The following UPF2 variants were observed in gnomAD, a reference collection of about 807,000 sequenced individuals.
UPF2 encodes UPF2 regulator of nonsense mediated mRNA decay.
Under a neutral mutation model 141.4 loss-of-function variants are expected in UPF2, and 17 were observed. That is an observed-to-expected ratio of 0.12 (90% CI 0.08 to 0.18). The LOEUF (loss-of-function observed/expected upper bound fraction) is 0.18, where lower values mean the gene tolerates loss of function less well. Among genes scored for constraint, UPF2 ranks in the 10% least tolerant of loss-of-function variants. The probability of loss-of-function intolerance (pLI) is 1.00; values close to 1 mark genes in which losing one functional copy is unlikely to be tolerated. For synonymous variants in UPF2, 540 were observed against 498.0 expected (o/e 1.08, Z -1.12); for missense variants, 1,152 against 1,515.9 (o/e 0.76, Z 3.99).
intron 9 of UPF2, among the ~76,000 whole-genome samples, chr10:11,971,291 G>C (rs1235901129): frequency 7.9e-6 from 1 of 126,050 alleles, no homozygotes; most frequent in Non-Finnish European, 1.7e-5. Flanking sequence ...TTTTGCTCTT[G>C]TTGCCCAGGC....
Position 12,001,865 on chromosome 10 carries a change from T to C in UPF2, c.1505-40A>G, listed in dbSNP as rs541841736. ...ACAAGTATACCTAAATTCAAAGTCA[T>C]ATGAAAATCCTGCTGCACAAAAGTA... On this transcript the variant is annotated intron_variant, in intron 5 of 21. Transcript: ENST00000357604. The C allele has an allele frequency of 1.8e-5, 28 of 1,520,628 alleles. No homozygotes were observed. In the South Asian group the frequency reaches 3.2e-4, roughly 17 times the overall value. 94.2% of individuals were successfully genotyped at this position (1,520,628 alleles called of 1,614,324 possible). A position where few individuals can be genotyped will look rare whatever the true frequency, so the allele number is the denominator to read the frequency against.
intron 6 of UPF2, among the ~76,000 whole-genome samples, chr10:12,000,599 A>G (rs2135392): frequency 0.93 from 140,994 of 152,128 alleles, 66,262 homozygotes; most frequent in East Asian, 1. Flanking sequence ...GGGTAACATA[A>G]CAAGACCCTG....
At chr10:11,972,695 C>T (rs536880379) in intron 9 of UPF2, among the ~76,000 whole-genome samples, 1 of 152,308 alleles carries the variant, frequency 6.6e-6, no homozygotes, top group East Asian at 1.9e-4. Context: ...ATCCATGTCC[C>T]TACAAAGGAC....
chr10:11,972,171 G>C (rs965187584), intron 9 of UPF2, among the ~76,000 whole-genome samples: 1 of 151,020 alleles, frequency 6.6e-6, no homozygotes, highest in Non-Finnish European at 1.5e-5. Flanking sequence ...CCTACAGAAA[G>C]AACCCTCTGT....
Position 11,956,334 on chromosome 10 carries a change from G to T in UPF2, c.2560C>A (p.Arg854=). ...HVVDGVLEDI[R]LGMEVNQPKF... The stretch of plus-strand genomic sequence containing the variant: ...GTCTTGTTTACCTCCATTCCTAATC[G>T]AATATCTTCTAACACTCCATCCACA... Residue 854 remains arginine, a synonymous_variant, in exon 13 of 22, where the codon CGA becomes AGA. Coordinates refer to ENST00000357604, the MANE Select transcript of UPF2 (RefSeq NM_015542.4). The surrounding 1 kb of genome is among the most constrained non-coding windows in gnomAD (Gnocchi z 4.2). The T allele has an allele frequency of 6.2e-7, 1 of 1,613,954 alleles. No individual in the cohort carries two copies. The highest frequency in any genetic ancestry group is 8.5e-7 in the Non-Finnish European group (1 of 1,179,960).
At chr10:12,004,346 T>C (rs934319152) in intron 5 of UPF2, among the ~76,000 whole-genome samples, 184 bp downstream of exon 5, 1 of 152,222 alleles carries the variant, frequency 6.6e-6, no homozygotes, top group Non-Finnish European at 1.5e-5. Flanking sequence ...CTGTTAAAAG[T>C]ATGTCAATTA....
At chr10:12,020,283 G>A (rs982866349) in intron 3 of UPF2, among the ~76,000 whole-genome samples, 1 of 148,014 alleles carries the variant, frequency 6.8e-6, no homozygotes, top group Non-Finnish European at 1.5e-5. Flanking sequence ...ACGGAGTTTC[G>A]CTCTGTCACC....
Position 12,014,116 on chromosome 10 carries a change from G to C in UPF2, c.1214C>G (p.Ser405Cys). Residue 405 changes from serine (S) to cysteine (C), a missense_variant, in exon 4 of 22, where the codon TCT becomes TGT. Transcript: ENST00000357604. This position sits in a 1 kb window ranked among gnomAD's most constrained non-coding sequence, Gnocchi z 5.0. ...AGAATTTGCCAGCAGCTTCTGGTAA[G>C]ACATAGCAAATTCCTCATACTGTTT... ...RHKQYEEFAM[S>C]YQKLLANSQS... 6.3e-7 allele frequency: 1 copy of C among 1,590,972 alleles called. No individual in the cohort carries two copies. Among genetic ancestry groups the C allele is most frequent in the Non-Finnish European group, 8.6e-7 (1 of 1,167,294 alleles).
In UPF2 at chr10:11,938,868, T is replaced by TTTTTTTTTTTTTTTTTTTTG. The variant is rs1832897282; in HGVS notation, c.3379-2157_3379-2156insCAAAAAAAAAAAAAAAAAAA. 1.8e-4 allele frequency among the ~76,000 whole-genome samples: 16 copies of TTTTTTTTTTTTTTTTTTTTG among 90,856 alleles called. 1 individual carries two copies. Among genetic ancestry groups the TTTTTTTTTTTTTTTTTTTTG allele is most frequent in the Non-Finnish European group, 2.1e-4 (9 of 41,886 alleles). 59.6% of individuals were successfully genotyped at this position (90,856 alleles called of 152,430 possible). A position where few individuals can be genotyped will look rare whatever the true frequency, so the allele number is the denominator to read the frequency against. ...TTTTTTTTTTGTTTTTTTTTTTTTT[T>TTTTTTTTTTTTTTTTTTTTG]TTTTTTTTTTTTTTGGAGACGGAGT... On this transcript the variant is annotated intron_variant, in intron 18 of 21. Transcript: ENST00000357604.
At chr10:11,928,526 G>A (rs1832741519) in intron 21 of UPF2, among the ~76,000 whole-genome samples, 1 of 151,482 alleles carries the variant, frequency 6.6e-6, no homozygotes, top group Non-Finnish European at 1.5e-5. Context: ...TGGCTAACAC[G>A]GTGAAACCCC....
At chr10:11,969,167 C>CT (rs918563407) in intron 9 of UPF2, among the ~76,000 whole-genome samples, 13 of 149,280 alleles carry the variant, frequency 8.7e-5, no homozygotes, top group African/African-American at 2.0e-4. Context: ...CAGCCTAGAA[C>CT]TTTTTTTTTT....
chr10:12,042,047 T>C lies in UPF2; in HGVS notation c.-19+708A>G, dbSNP rs956293722. ...GCTTGGCGCCTTGAAGAGGTGAAGG[T>C]AAAGTGAAGAATCAACCAGCCTATG... On this transcript the variant is annotated intron_variant, in intron 1 of 21. Transcript: ENST00000357604. This position sits in a 1 kb window ranked among gnomAD's most constrained non-coding sequence, Gnocchi z 5.5. Among the ~76,000 whole-genome samples, 1 of 151,922 alleles carries C rather than the reference T, an allele frequency of 6.6e-6. No homozygotes were observed. Among genetic ancestry groups the C allele is most frequent in the Non-Finnish European group, 1.5e-5 (1 of 67,978 alleles).
chr10:11,930,277 C>T (rs1832767299), intron 20 of UPF2, among the ~76,000 whole-genome samples: 1 of 152,206 alleles, frequency 6.6e-6, no homozygotes, highest in African/African-American at 2.4e-5. Flanking sequence ...TAGCTAAGAG[C>T]ATCGTGTGTA....
intron 9 of UPF2, among the ~76,000 whole-genome samples, chr10:11,972,354 T>C (rs1054840842): frequency 1.3e-5 from 2 of 152,172 alleles, no homozygotes; most frequent in African/African-American, 4.8e-5. Flanking sequence ...TATAAATAAG[T>C]AAATTTGCCT....
intron 2 of UPF2, among the ~76,000 whole-genome samples, chr10:12,031,152 C>T (rs1184515692): frequency 4.7e-5 from 6 of 126,484 alleles, no homozygotes; most frequent in African/African-American, 1.2e-4. Context: ...CCGGCCTGGG[C>T]GAAAGAGCAA....
intron 16 of UPF2, 41 bp from the exon 17 acceptor site, chr10:11,943,209 A>C: frequency 6.8e-7 from 1 of 1,476,194 alleles, no homozygotes; most frequent in South Asian, 1.2e-5. Flanking sequence ...AACTTTTCGA[A>C]GTGTAACCAT....
In UPF2 at chr10:11,964,579, T is replaced by C. The variant is rs552628695; in HGVS notation, c.2068-454A>G. ...ACGCGTATTTCTAAACTAAAACAGA[T>C]TGAGACATTTGAGAATTTGGTTTCT... On this transcript the variant is annotated intron_variant, in intron 10 of 21. Transcript: ENST00000357604. 3.3e-5 allele frequency among the ~76,000 whole-genome samples: 5 copies of C among 152,342 alleles called. 1 individual carries two copies. In the East Asian group the frequency reaches 7.7e-4, roughly 24 times the overall value.
intron 4 of UPF2, among the ~76,000 whole-genome samples, chr10:12,008,677 T>G (rs1236088620): frequency 1.3e-5 from 2 of 149,296 alleles, no homozygotes; most frequent in African/African-American, 4.9e-5. Context: ...ATACACTTAG[T>G]GGCATGTAAA....
chr10:12,018,028 C>T (rs1834254426), intron 3 of UPF2, among the ~76,000 whole-genome samples: 1 of 152,164 alleles, frequency 6.6e-6, no homozygotes, highest in African/African-American at 2.4e-5. Flanking sequence ...ACATATGTAG[C>T]CATATATCCT....
Sources: gnomAD v4.1 joint callset for allele counts (sites outside exome capture counted in the v4.1 genomes callset) on GRCh38, gnomAD v4.1.1 for gene constraint, Gnocchi (gnomAD v3.1) non-coding constraint, MANE v1.5 for transcripts, NCBI Gene and HGNC (gene_info 2026-07-23, HGNC 2026-07-21) for gene names.